The following TEX36 variants were observed in gnomAD, a reference collection of about 807,000 sequenced individuals.
The protein encoded by TEX36 is testis-expressed protein 36.
In TEX36, 12 loss-of-function variants were observed where a neutral mutation model predicts 13.6. The ratio of observed to expected loss-of-function variants is 0.88; its 90% CI spans 0.56 to 1.43. TEX36 has a LOEUF of 1.43. Ranked by LOEUF, TEX36 falls within the 40% of genes most tolerant of loss-of-function variation. The pLI is 0.00. For missense variants in TEX36, 224 were observed against 228.3 expected (o/e 0.98, Z 0.12); for synonymous variants, 93 against 83.0 (o/e 1.12, Z -0.65).
At chr10:125,629,532 A>G (rs570731566) in intron 3 of TEX36, among the ~76,000 whole-genome samples, 78 of 152,338 alleles carry the variant, frequency 5.1e-4, no homozygotes, top group Non-Finnish European at 8.5e-4. Context: ...GATTGAGTAA[A>G]TAGCACATCT....
At chr10:125,595,688 A>G (rs558129342) in intron 3 of TEX36, among the ~76,000 whole-genome samples, 3 of 152,080 alleles carry the variant, frequency 2.0e-5, no homozygotes, top group Admixed American at 6.5e-5. Context: ...TTCTGCTGAT[A>G]CTCACATGGC....
At chr10:125,585,098 A>G (rs1845927800) in intron 3 of TEX36, among the ~76,000 whole-genome samples, 1 of 152,230 alleles carries the variant, frequency 6.6e-6, no homozygotes. Flanking sequence ...AATGGAAAGA[A>G]AAACACCAGG....
At chr10:125,645,954 AAATT>A (rs2133580067) in intron 3 of TEX36, among the ~76,000 whole-genome samples, 1 of 152,372 alleles carries the variant, frequency 6.6e-6, no homozygotes, top group African/African-American at 2.4e-5. Context: ...CACAATGCAG[AAATT>A]AATTAATAAA....
At chr10:125,601,821 C>T (rs761992780) in intron 3 of TEX36, among the ~76,000 whole-genome samples, 4 of 152,276 alleles carry the variant, frequency 2.6e-5, no homozygotes, top group South Asian at 4.1e-4. Flanking sequence ...CTGGGAACAC[C>T]GACCTGCTAA....
In TEX36 at chr10:125,637,644, A is replaced by T. The variant is rs190699126; in HGVS notation, c.265-15999T>A. Among the ~76,000 whole-genome samples, 18 of 152,090 alleles carry T rather than the reference A, an allele frequency of 1.2e-4. No homozygotes were observed. The East Asian group carries it at 2.9e-3, about 25-fold the overall frequency. On this transcript the variant is annotated intron_variant, in intron 3 of 3. Coordinates refer to the TEX36 transcript ENST00000526819. ...GTTGTCAGCCCTGGCTGACCCTAGA[A>T]TCACTTAGGGAGCTCTTCAAAAATG... is the stretch of plus-strand genomic sequence containing the variant.
At chr10:125,640,179 T>A in intron 3 of TEX36, 1 of 985,446 alleles carries the variant, frequency 1.0e-6, no homozygotes, top group Non-Finnish European at 1.2e-6. Flanking sequence ...GGAGTAGAAA[T>A]CATTGTTCTT....
chr10:125,621,897 C>T (rs1846433065), intron 3 of TEX36, among the ~76,000 whole-genome samples: 1 of 152,182 alleles, frequency 6.6e-6, no homozygotes, highest in South Asian at 2.1e-4. Context: ...ATCCCAACTC[C>T]CTCCACCTGC....
At chr10:125,606,060 T>C (rs940650321) in intron 3 of TEX36, among the ~76,000 whole-genome samples, 3 of 152,186 alleles carry the variant, frequency 2.0e-5, no homozygotes, top group African/African-American at 7.2e-5. Flanking sequence ...TATGCAGGAG[T>C]TTACCAGCCC....
rs1846629051 is a variant in TEX36, at chr10:125,636,779, A to T, written c.265-15134T>A. On this transcript the variant is annotated intron_variant, in intron 3 of 3. Transcript: ENST00000526819. ...GCTGTACTTGTGTGTGGGTGAGCTAAGAACACTCAGCGTGAGATGCGTCCT... is the reference window on the plus strand; with the variant it reads ...GCTGTACTTGTGTGTGGGTGAGCTATGAACACTCAGCGTGAGATGCGTCCT... Among the ~76,000 whole-genome samples the T allele has an allele frequency of 2.0e-5, 3 of 152,226 alleles. No individual in the cohort carries two copies. In the South Asian group the frequency reaches 6.2e-4, roughly 32 times the overall value.
downstream of TEX36, among the ~76,000 whole-genome samples, chr10:125,617,469 T>C (rs1276405197): frequency 6.6e-6 from 1 of 152,256 alleles, no homozygotes; most frequent in African/African-American, 2.4e-5. Context: ...GGAGCTCTTT[T>C]AGGGCAGGCC....
chr10:125,622,159 T>G (rs1846435499), intron 3 of TEX36, among the ~76,000 whole-genome samples: 1 of 152,112 alleles, frequency 6.6e-6, no homozygotes. Context: ...ATACTTAATC[T>G]CCACATAAAG....
intron 3 of TEX36, among the ~76,000 whole-genome samples, chr10:125,589,857 A>G (rs1162976877): frequency 6.6e-6 from 1 of 152,224 alleles, no homozygotes; most frequent in East Asian, 1.9e-4. Context: ...ATGAAGAAAT[A>G]TGATTCAGTG....
intron 3 of TEX36, among the ~76,000 whole-genome samples, chr10:125,658,757 C>T (rs1013883924): frequency 1.2e-4 from 18 of 151,902 alleles, no homozygotes; most frequent in Admixed American, 1.0e-3. Flanking sequence ...TAATTCAAAA[C>T]ATTCTTCCAA....
At chr10:125,599,436 G>A (rs576396855) in intron 3 of TEX36, among the ~76,000 whole-genome samples, 2 of 152,192 alleles carry the variant, frequency 1.3e-5, no homozygotes, top group East Asian at 3.9e-4. Context: ...CTTTATTGAC[G>A]TTCATTCCTT....
chr10:125,584,754 C>T (rs949521617), intron 3 of TEX36, among the ~76,000 whole-genome samples: 9 of 152,150 alleles, frequency 5.9e-5, no homozygotes, highest in African/African-American at 2.2e-4. Context: ...TGTCTACAAG[C>T]CAAGGGGAGA....
intron 3 of TEX36, among the ~76,000 whole-genome samples, chr10:125,650,153 G>C (rs1381371271): frequency 6.6e-6 from 1 of 152,168 alleles, no homozygotes; most frequent in Non-Finnish European, 1.5e-5. Flanking sequence ...AGACCTAATA[G>C]ACATCTACAG....
intron 1 of TEX36, among the ~76,000 whole-genome samples, chr10:125,675,194 C>A (rs1283160219): frequency 2.0e-5 from 3 of 152,184 alleles, no homozygotes; most frequent in Non-Finnish European, 4.4e-5. Flanking sequence ...GCAGTCTGGC[C>A]ACGATCTGCC....
At chr10:125,601,927 G>C (rs573336786) in intron 3 of TEX36, among the ~76,000 whole-genome samples, 1 of 152,192 alleles carries the variant, frequency 6.6e-6, no homozygotes, top group Non-Finnish European at 1.5e-5. Flanking sequence ...ACCTGCATGC[G>C]GGGTGTCTTC....
At chr10:125,646,427 A>T (rs184007351) in intron 3 of TEX36, among the ~76,000 whole-genome samples, 81 of 152,386 alleles carry the variant, frequency 5.3e-4, no homozygotes, top group Non-Finnish European at 5.1e-4. Context: ...GTGTCTATGT[A>T]CAGTGGCATT....
Sources: gnomAD v4.1 joint callset for allele counts (sites outside exome capture counted in the v4.1 genomes callset) on GRCh38, gnomAD v4.1.1 for gene constraint, MANE v1.5 for transcripts, NCBI Gene and HGNC (gene_info 2026-07-23, HGNC 2026-07-21) for gene names.